Variants in TMEM131 observed in about 807,000 individuals in gnomAD.
TMEM131 encodes the protein transmembrane protein 131.
In TMEM131, 66 loss-of-function variants were observed where a neutral mutation model predicts 211.6. The ratio of observed to expected loss-of-function variants is 0.31; its 90% confidence interval spans 0.26 to 0.38. The LOEUF (loss-of-function observed/expected upper bound fraction) is 0.38, where lower values mean the gene tolerates loss of function less well. TMEM131 is among the 10% of genes least tolerant of loss of function. The pLI is 1.00. For missense variants in TMEM131, 2,036 were observed against 2,299.3 expected (o/e 0.89, Z 2.34); for synonymous variants, 844 against 841.3 (o/e 1.00, Z -0.06).
At chr2:97,923,746 G>GA (rs1242449446) in intron 2 of TMEM131, among the ~76,000 whole-genome samples, 2 of 151,070 alleles carry the variant, frequency 1.3e-5, no homozygotes, top group South Asian at 2.1e-4. Flanking sequence ...GCAGGATAGT[G>GA]AAAAAAATAC....
At chr2:97,855,163 G>A (rs915658655) in intron 5 of TMEM131, among the ~76,000 whole-genome samples, 1 of 152,120 alleles carries the variant, frequency 6.6e-6, no homozygotes, top group Admixed American at 6.5e-5. Context: ...TTTCCACATA[G>A]GTGGGGTGGC....
chr2:97,831,628 G>A (rs6704792), intron 11 of TMEM131, among the ~76,000 whole-genome samples: 4,103 of 146,074 alleles, frequency 0.028, 65 homozygotes, highest in Middle Eastern at 0.072. Flanking sequence ...ATTGCTAAGT[G>A]ACACTGTATA....
chr2:97,902,000 C>T (rs1443229584), intron 3 of TMEM131, among the ~76,000 whole-genome samples: 1 of 152,056 alleles, frequency 6.6e-6, no homozygotes, highest in African/African-American at 2.4e-5. Context: ...TGATGCATAT[C>T]CTAAACACCC....
intron 4 of TMEM131, among the ~76,000 whole-genome samples, chr2:97,870,215 G>C (rs1022452431): frequency 6.6e-6 from 1 of 152,118 alleles, no homozygotes; most frequent in Admixed American, 6.6e-5. Flanking sequence ...ATCCTCTATA[G>C]CAACACCTAG....
intron 1 of TMEM131, among the ~76,000 whole-genome samples, chr2:97,963,625 G>C (rs1293207379): frequency 6.6e-6 from 1 of 152,336 alleles, no homozygotes; most frequent in East Asian, 1.9e-4. Flanking sequence ...TGAGGCAGGA[G>C]AACCGCTTGA....
intron 38 of TMEM131, 45 bp from the exon 39 acceptor site, chr2:97,759,794 G>T: frequency 6.9e-7 from 1 of 1,440,764 alleles, no homozygotes; most frequent in Non-Finnish European, 9.6e-7. Flanking sequence ...AATGTATGGT[G>T]GTTAGTGCAA....
chr2:97,762,368 C>T, intron 35 of TMEM131, 168 bp from the exon 36 acceptor site: 3 of 636,402 alleles, frequency 4.7e-6, no homozygotes, highest in Non-Finnish European at 7.8e-6. Context: ...GAGAAAGCAG[C>T]CACATCTCTC....
Position 97,813,525 on chromosome 2 carries a change from C to T in TMEM131, c.1617+446G>A, listed in dbSNP as rs140450950. Among the ~76,000 whole-genome samples, 666 of 152,270 alleles carry T rather than the reference C, an allele frequency of 4.4e-3. 5 individuals carry two copies. The highest frequency in any genetic ancestry group is 0.015 in the African/African-American group (631 of 41,556). ...TTCTGTGTCATATATAATCTTCCAA[C>T]TTTGCGTCTTTACTACCTTATTTTC... On this transcript the variant is annotated intron_variant, in intron 15 of 40. Transcript: ENST00000186436.
chr2:97,995,752 G>C lies in TMEM131; in HGVS notation c.-90C>G. The C allele has an allele frequency of 9.9e-7, 1 of 1,007,376 alleles. No homozygotes were observed. The highest frequency in any genetic ancestry group is 1.7e-5 in the African/African-American group (1 of 58,628). The allele number at this position is 1,007,376 out of a possible 1,614,324, so 62.4% of individuals were successfully genotyped here. The stretch of plus-strand genomic sequence containing the variant: ...GCGCGGAAGCCGTGGTCCGGGCTCT[G>C]GCCGCGGCGCCGGGAGCGACAACGG... On this transcript the variant is annotated 5_prime_UTR_variant, in exon 1 of 41. Transcript: ENST00000186436.
chr2:97,878,680 T>C (rs1218984723), intron 4 of TMEM131, among the ~76,000 whole-genome samples: 2 of 151,926 alleles, frequency 1.3e-5, no homozygotes, highest in African/African-American at 2.4e-5. Context: ...GGGAACATCA[T>C]ACACCAGGGC....
At chr2:97,908,586 G>C (rs951390846) in intron 3 of TMEM131, 72 bp downstream of exon 3, 11 of 1,090,720 alleles carry the variant, frequency 1.0e-5, no homozygotes, top group South Asian at 1.4e-5. Flanking sequence ...CAAGGGGAAA[G>C]AGGAGGGAGA....
At chr2:97,764,655 G>A (rs1226366472) in intron 35 of TMEM131, 1 of 152,312 alleles carries the variant, frequency 6.6e-6, no homozygotes, top group Non-Finnish European at 1.5e-5. Flanking sequence ...ACTGAGGCAT[G>A]CGGCACTGGG....
chr2:97,844,167 T>C lies in TMEM131; in HGVS notation c.578A>G (p.Asn193Ser). The change falls in exon 6 of 41, where the codon AAT (asparagine) becomes AGT (serine). Residue 193 changes from asparagine (N) to serine (S), a missense_variant. Asn to Ser is a conservative substitution (Grantham distance 46, BLOSUM62 1). Around this residue, in one of 3 missense-constraint regions of TMEM131, gnomAD observed 277 missense variants for 378.0 expected, o/e 0.73. Coordinates refer to ENST00000186436, the MANE Select transcript of TMEM131 (RefSeq NM_015348.2). ...VENTLFINTSNHGVFTYQVFG... is the reference protein window; with the variant it reads ...VENTLFINTSSHGVFTYQVFG... ...TACCTGGTAAGTAAATACCCCATGA[T>C]TAGATGTATTAATAAATAAAGTATT... 1 of 1,161,624 alleles carries C rather than the reference T, an allele frequency of 8.6e-7. No homozygotes were observed. Among genetic ancestry groups the C allele is most frequent in the Non-Finnish European group, 1.2e-6 (1 of 863,548 alleles). The allele number at this position is 1,161,624 out of a possible 1,614,324, so 72.0% of individuals were successfully genotyped here. A position where few individuals can be genotyped will look rare whatever the true frequency, so the allele number is the denominator to read the frequency against.
At chr2:97,872,608 G>A (rs1288621299) in intron 4 of TMEM131, among the ~76,000 whole-genome samples, 2 of 152,188 alleles carry the variant, frequency 1.3e-5, no homozygotes, top group African/African-American at 2.4e-5. Flanking sequence ...AGCCGAAGCA[G>A]GGTGGGGCAT....
At chr2:97,979,206 G>A (rs1679678346) in intron 1 of TMEM131, among the ~76,000 whole-genome samples, 1 of 152,226 alleles carries the variant, frequency 6.6e-6, no homozygotes, top group Admixed American at 6.5e-5. Flanking sequence ...CAGTTATAAA[G>A]CACAGGCAGA....
intron 5 of TMEM131, among the ~76,000 whole-genome samples, chr2:97,847,079 G>A (rs929033825): frequency 5.4e-5 from 6 of 110,922 alleles, no homozygotes; most frequent in East Asian, 2.9e-4. Context: ...CTGGGGGGGG[G>A]GGGGGGGGCC....
chr2:97,866,058 G>T (rs533880271), intron 4 of TMEM131, among the ~76,000 whole-genome samples: 1 of 152,158 alleles, frequency 6.6e-6, no homozygotes, highest in Admixed American at 6.5e-5. Context: ...AATTTTTGTT[G>T]TATCTTTAGT....
chr2:97,841,659 C>A (rs567803060), intron 7 of TMEM131, among the ~76,000 whole-genome samples, 156 bp downstream of exon 7: 2 of 127,262 alleles, frequency 1.6e-5, no homozygotes, highest in South Asian at 4.6e-4. Context: ...AAAATTCAGA[C>A]TGCAGCAAGC....
chr2:97,873,982 G>T (rs1246640129), intron 4 of TMEM131, among the ~76,000 whole-genome samples: 1 of 152,170 alleles, frequency 6.6e-6, no homozygotes, highest in Non-Finnish European at 1.5e-5. Flanking sequence ...TGAAAAAAAG[G>T]TTAGACAAAT....
Sources: gnomAD v4.1 joint callset for allele counts (sites outside exome capture counted in the v4.1 genomes callset) on GRCh38, gnomAD v4.1.1 for gene constraint, gnomAD v4.1.1 regional missense constraint, MANE v1.5 for transcripts, NCBI Gene and HGNC (gene_info 2026-07-23, HGNC 2026-07-21) for gene names.